Variants in PITPNB observed in about 807,000 individuals in gnomAD.
PITPNB encodes phosphatidylinositol transfer protein beta.
A neutral mutation model predicts 45.9 loss-of-function variants in PITPNB; 16 were observed. The observed-to-expected ratio is 0.35, with a 90% CI of 0.24 to 0.53. The LOEUF is 0.53. Among genes scored for constraint, PITPNB ranks in the 20% least tolerant of loss-of-function variants. The probability of loss-of-function intolerance (pLI) is 0.93; values close to 1 mark genes in which losing one functional copy is unlikely to be tolerated. For synonymous variants in PITPNB, 112 were observed against 108.9 expected (o/e 1.03, Z -0.18); for missense variants, 188 against 330.5 (o/e 0.57, Z 3.34).
chr22:27,903,291 G>A (rs940529052), intron 3 of PITPNB, among the ~76,000 whole-genome samples: 1 of 151,834 alleles, frequency 6.6e-6, no homozygotes, highest in East Asian at 1.9e-4. Flanking sequence ...CCAACATGGA[G>A]AAACCCCGTC....
intron 11 of PITPNB, among the ~76,000 whole-genome samples, chr22:27,854,236 G>T (rs1175090117): frequency 3.9e-4 from 58 of 148,306 alleles, no homozygotes; most frequent in African/African-American, 1.1e-3. Context: ...GGGAGATTTT[G>T]ATTTTTTTTT....
chr22:27,873,258 ACT>A (rs1934721173), intron 8 of PITPNB, among the ~76,000 whole-genome samples: 1 of 152,160 alleles, frequency 6.6e-6, no homozygotes, highest in South Asian at 2.1e-4. Flanking sequence ...CAAGAGTGAA[ACT>A]CTGTCTCAAA....
chr22:27,865,765 C>T (rs959643516), intron 8 of PITPNB, among the ~76,000 whole-genome samples: 2 of 151,940 alleles, frequency 1.3e-5, no homozygotes, highest in Non-Finnish European at 2.9e-5. Flanking sequence ...AGGGGAGGGG[C>T]GGGCGGTGAG....
At chr22:27,914,396 A>C in intron 1 of PITPNB, 49 bp from the exon 2 acceptor site, 1 of 1,128,624 alleles carries the variant, frequency 8.9e-7, no homozygotes, top group Non-Finnish European at 1.3e-6. Flanking sequence ...AAATAGCTTT[A>C]AACACAGATC....
chr22:27,917,577 G>T (rs1936119905), intron 1 of PITPNB, among the ~76,000 whole-genome samples: 1 of 152,166 alleles, frequency 6.6e-6, no homozygotes. Flanking sequence ...CTTTAATTGA[G>T]AATTTTCACT....
chr22:27,881,020 T>C (rs961870696), intron 7 of PITPNB, among the ~76,000 whole-genome samples: 3 of 152,246 alleles, frequency 2.0e-5, no homozygotes, highest in African/African-American at 7.2e-5. Context: ...CCTTCGAATA[T>C]AGTGGACATT....
At chr22:27,910,776 G>C (rs750751303) in intron 3 of PITPNB, 188 bp downstream of exon 3, 4 of 502,564 alleles carry the variant, frequency 8.0e-6, no homozygotes, top group Admixed American at 3.3e-5. Context: ...CTGAATTTTT[G>C]TTATAAGCAG....
chr22:27,905,435 A>G, intron 3 of PITPNB, among the ~76,000 whole-genome samples: 1 of 152,196 alleles, frequency 6.6e-6, no homozygotes, highest in East Asian at 1.9e-4. Context: ...CAGGCAAGCC[A>G]CCACACCCAG....
chr22:27,890,110 A>G (rs573538674), intron 7 of PITPNB, among the ~76,000 whole-genome samples: 22 of 152,208 alleles, frequency 1.4e-4, no homozygotes, highest in Admixed American at 7.2e-4. Flanking sequence ...TGTGCAGAAG[A>G]AAAGAGCAGA....
At chr22:27,861,291 A>T (rs2146350242) in intron 8 of PITPNB, among the ~76,000 whole-genome samples, 1 of 152,098 alleles carries the variant, frequency 6.6e-6, no homozygotes, top group African/African-American at 2.4e-5. Flanking sequence ...ACAGGGCAAG[A>T]CTCCATCTCA....
At chr22:27,906,398 G>A (rs1004571571) in intron 3 of PITPNB, among the ~76,000 whole-genome samples, 16 of 152,220 alleles carry the variant, frequency 1.1e-4, no homozygotes, top group Admixed American at 8.5e-4. Context: ...GGTGAAACCT[G>A]TGGTTTTGGA....
chr22:27,863,292 T>C (rs548377594), intron 8 of PITPNB, among the ~76,000 whole-genome samples: 8 of 152,262 alleles, frequency 5.3e-5, no homozygotes, highest in African/African-American at 1.9e-4. Context: ...GGACTTTTCA[T>C]TCTCCACTGA....
intron 1 of PITPNB, among the ~76,000 whole-genome samples, chr22:27,917,907 G>A (rs1281351418): frequency 6.6e-6 from 1 of 152,184 alleles, no homozygotes; most frequent in Non-Finnish European, 1.5e-5. Flanking sequence ...TTCAGAAAGG[G>A]ATTCCCTGAG....
chr22:27,897,133 T>G lies in PITPNB; in HGVS notation c.294A>C (p.Val98=), dbSNP rs758703894. ...WNAYPYCRTI[V]TNEYMKDDFF... ...ACACAAAAATAGTTTTACTCACCGT[T>G]ACAACTGAGGCATAATGGAGAGGTA... is the stretch of plus-strand genomic sequence containing the variant. Residue 98 remains valine (V), a synonymous_variant, in exon 5 of 12, where the codon GTA becomes GTC. Transcript: ENST00000335272. 23 of 1,573,946 alleles carry G rather than the reference T, an allele frequency of 1.5e-5. No individual in the cohort carries two copies. The East Asian group carries it at 4.7e-4, about 32-fold the overall frequency.
chr22:27,872,298 T>G (rs1934690141), intron 8 of PITPNB, among the ~76,000 whole-genome samples: 1 of 151,968 alleles, frequency 6.6e-6, no homozygotes, highest in Non-Finnish European at 1.5e-5. Context: ...TTCAACATGT[T>G]GCCCAGGCTG....
chr22:27,874,684 A>G (rs534103031), intron 7 of PITPNB, among the ~76,000 whole-genome samples: 1 of 152,364 alleles, frequency 6.6e-6, no homozygotes, highest in Non-Finnish European at 1.5e-5. Context: ...ACTTTTGAAG[A>G]GCTAGAGCCC....
intron 8 of PITPNB, among the ~76,000 whole-genome samples, chr22:27,870,818 C>A (rs547810804): frequency 1.2e-4 from 18 of 152,332 alleles, no homozygotes; most frequent in African/African-American, 4.3e-4. Flanking sequence ...TATCTTCTTA[C>A]GCTTTATTTC....
intron 7 of PITPNB, among the ~76,000 whole-genome samples, chr22:27,891,661 T>A (rs1935283339): frequency 6.6e-6 from 1 of 152,152 alleles, no homozygotes; most frequent in Non-Finnish European, 1.5e-5. Flanking sequence ...ACAAGATCTG[T>A]TTAGGAGTTC....
At chr22:27,905,901 A>G (rs1210578450) in intron 3 of PITPNB, among the ~76,000 whole-genome samples, 5 of 152,232 alleles carry the variant, frequency 3.3e-5, no homozygotes, top group Non-Finnish European at 7.3e-5. Context: ...GTTACAACAC[A>G]TTTCTTTGTC....
Sources: gnomAD v4.1 joint callset for allele counts (sites outside exome capture counted in the v4.1 genomes callset) on GRCh38, gnomAD v4.1.1 for gene constraint, MANE v1.5 for transcripts, NCBI Gene and HGNC (gene_info 2026-07-23, HGNC 2026-07-21) for gene names.